The following TSC22D1 variants were observed in gnomAD, a reference collection of about 807,000 sequenced individuals.
TSC22D1 encodes the protein TSC22 domain family protein 1.
TSC22D1 carries 9 observed loss-of-function variants against 74.2 expected under a neutral mutation model. The observed-to-expected ratio is 0.12, with a 90% CI of 0.07 to 0.21. TSC22D1 has a LOEUF of 0.21. TSC22D1 is among the 10% of genes least tolerant of loss of function. TSC22D1 has a pLI of 1.00. For synonymous variants in TSC22D1, 586 were observed against 492.5 expected (o/e 1.19, Z -2.51); for missense variants, 1,427 against 1,304.7 (o/e 1.09, Z -1.44).
intron 1 of TSC22D1, among the ~76,000 whole-genome samples, chr13:44,535,970 T>TA (rs1881111036): frequency 6.6e-6 from 1 of 152,004 alleles, no homozygotes; most frequent in South Asian, 2.1e-4. Flanking sequence ...AGATTTTTTT[T>TA]ATATTCAAAT....
chr13:44,520,033 T>C (rs1193968400), intron 1 of TSC22D1, among the ~76,000 whole-genome samples: 1 of 152,140 alleles, frequency 6.6e-6, no homozygotes, highest in East Asian at 1.9e-4. Flanking sequence ...TAAAGCATGT[T>C]TGAAGTGCTC....
chr13:44,493,005 C>G (rs753449358), intron 1 of TSC22D1, among the ~76,000 whole-genome samples: 2 of 152,108 alleles, frequency 1.3e-5, no homozygotes, highest in Non-Finnish European at 2.9e-5. Flanking sequence ...AAAAAAATCA[C>G]CCACGGGAGT....
chr13:44,480,120 A>G (rs1878110367), intron 1 of TSC22D1, among the ~76,000 whole-genome samples: 1 of 152,240 alleles, frequency 6.6e-6, no homozygotes, highest in Admixed American at 6.5e-5. Context: ...AATTGAATGT[A>G]TAAGATGTGT....
At chr13:44,474,849 C>A (rs990010430) in intron 1 of TSC22D1, among the ~76,000 whole-genome samples, 6 of 152,048 alleles carry the variant, frequency 3.9e-5, no homozygotes, top group African/African-American at 1.4e-4. Flanking sequence ...TATCAAGAAG[C>A]CTCAGAAATG....
At chr13:44,533,084 T>C (rs1191042634) in intron 1 of TSC22D1, among the ~76,000 whole-genome samples, 1 of 151,980 alleles carries the variant, frequency 6.6e-6, no homozygotes, top group Non-Finnish European at 1.5e-5. Flanking sequence ...GCATGTAAAA[T>C]AAGGGTGCTA....
intron 1 of TSC22D1, among the ~76,000 whole-genome samples, chr13:44,545,987 AT>A (rs67085033): frequency 0.018 from 2,731 of 151,188 alleles, 74 homozygotes; most frequent in African/African-American, 0.063. Context: ...AAAAAAAAAA[AT>A]AAATAAATAA....
intron 1 of TSC22D1, among the ~76,000 whole-genome samples, chr13:44,454,950 A>C (rs891282537): frequency 6.6e-6 from 1 of 152,184 alleles, no homozygotes; most frequent in African/African-American, 2.4e-5. Flanking sequence ...AATTCAACAA[A>C]TATATATTGA....
At chr13:44,443,048 C>T (rs560595853) in intron 1 of TSC22D1, among the ~76,000 whole-genome samples, 131 of 123,290 alleles carry the variant, frequency 1.1e-3, no homozygotes, top group African/African-American at 3.2e-3. Flanking sequence ...GGAGAGAAAA[C>T]ATTTTAAGAA....
rs1595187465 is a variant in TSC22D1 at position 44,576,304 on chromosome 13, T to C, written c.-230A>G. 1.1e-5 allele frequency: 6 copies of C among 560,512 alleles called. No homozygotes were observed. Among genetic ancestry groups the C allele is most frequent in the African/African-American group, 3.8e-5 (2 of 53,006 alleles). 34.7% of individuals were successfully genotyped at this position (560,512 alleles called of 1,614,324 possible). ...GGCGGCCGGGGACCCGAAGGGGGGA[T>C]CCCTTCAGTCCTTCGCCATTCACTT... is the stretch of plus-strand genomic sequence containing the variant. On this transcript the variant is annotated 5_prime_UTR_variant, in exon 1 of 3. Coordinates refer to ENST00000458659, the MANE Select transcript of TSC22D1 (RefSeq NM_183422.4).
intron 1 of TSC22D1, among the ~76,000 whole-genome samples, chr13:44,527,991 A>G (rs1210553572): frequency 6.6e-6 from 1 of 152,134 alleles, no homozygotes; most frequent in Non-Finnish European, 1.5e-5. Context: ...TACTCCAAGA[A>G]GACATAACCA....
chr13:44,539,642 CA>C, intron 1 of TSC22D1: 1 of 1,142,712 alleles, frequency 8.8e-7, no homozygotes, highest in Non-Finnish European at 1.1e-6. Flanking sequence ...CTCAGAAAAA[CA>C]AAACAGATTG....
rs1318420812 is a variant in TSC22D1, at chr13:44,575,277, T to C, written c.798A>G (p.Gly266=). 1.2e-6 allele frequency: 2 copies of C among 1,613,998 alleles called. No individual in the cohort carries two copies. The highest frequency in any genetic ancestry group is 2.7e-5 in the African/African-American group (2 of 74,920). ...SPVSRKLSTT[G]SSDSITPVAP... is the part of the protein sequence containing the mutation. ...CAACTGGTGTGATACTGTCAGAGCTTCCAGTTGTAGAGAGTTTTCTAGATA... is the reference window on the plus strand; with the variant it reads ...CAACTGGTGTGATACTGTCAGAGCTCCCAGTTGTAGAGAGTTTTCTAGATA... The change falls in exon 1 of 3, where the codon GGA becomes GGG. Residue 266 remains glycine (G), a synonymous_variant. Transcript: ENST00000458659.
At chr13:44,573,110 A>G in intron 1 of TSC22D1, 53 bp downstream of exon 1, 1 of 1,575,630 alleles carries the variant, frequency 6.3e-7, no homozygotes, top group Non-Finnish European at 8.6e-7. Flanking sequence ...TAGCTACTAA[A>G]TAGATTAACT....
At chr13:44,492,154 T>A (rs745695166) in intron 1 of TSC22D1, among the ~76,000 whole-genome samples, 1 of 149,970 alleles carries the variant, frequency 6.7e-6, no homozygotes, top group Non-Finnish European at 1.5e-5. Flanking sequence ...TATAAACCCA[T>A]CATATGTTAA....
At chr13:44,556,841 A>T (rs1472987607) in intron 1 of TSC22D1, among the ~76,000 whole-genome samples, 1 of 151,798 alleles carries the variant, frequency 6.6e-6, no homozygotes, top group African/African-American at 2.4e-5. Context: ...TGAAGACCTA[A>T]TGCAGATGTC....
intron 1 of TSC22D1, among the ~76,000 whole-genome samples, chr13:44,533,023 AAG>A (rs1203263372): frequency 1.3e-5 from 2 of 152,154 alleles, no homozygotes; most frequent in African/African-American, 2.4e-5. Flanking sequence ...ATTTGTTTAA[AAG>A]AGTGTGGTAT....
intron 1 of TSC22D1, among the ~76,000 whole-genome samples, chr13:44,540,267 G>A (rs1881387613): frequency 6.6e-6 from 1 of 152,096 alleles, no homozygotes; most frequent in African/African-American, 2.4e-5. Context: ...CACAACCTCA[G>A]ATATATCAAA....
At chr13:44,474,281 C>T (rs1007618164) in intron 1 of TSC22D1, 12 of 985,252 alleles carry the variant, frequency 1.2e-5, no homozygotes, top group Non-Finnish European at 1.3e-5. Context: ...CTTTCTTGGG[C>T]CTCTCTTCCC....
chr13:44,558,328 T>C (rs74623584), intron 1 of TSC22D1, among the ~76,000 whole-genome samples: 2,904 of 152,226 alleles, frequency 0.019, 46 homozygotes, highest in South Asian at 0.043. Flanking sequence ...AATAATACAG[T>C]AAAAAAAATT....
Sources: allele counts gnomAD v4.1 joint callset (sites outside exome capture counted in the v4.1 genomes callset), GRCh38; gene constraint gnomAD v4.1.1; transcripts MANE v1.5; gene names NCBI Gene and HGNC (gene_info 2026-07-23, HGNC 2026-07-21).